The following OPRM1 variants were observed in gnomAD, a reference collection of about 807,000 sequenced individuals.
OPRM1 encodes mu-type opioid receptor.
OPRM1 carries 27 observed loss-of-function variants against 31.8 expected under a neutral mutation model. The ratio of observed to expected loss-of-function variants is 0.85; its 90% CI spans 0.63 to 1.17. OPRM1 has a LOEUF of 1.17. Among genes scored for constraint, OPRM1 ranks in the 50% most tolerant of loss-of-function variants. The pLI, the probability that OPRM1 is intolerant of heterozygous loss-of-function variation, is 0.00. For synonymous variants in OPRM1, 196 were observed against 189.9 expected, an observed-to-expected ratio of 1.03 and a Z score of -0.26; for missense variants, 536 against 511.1, an observed-to-expected ratio of 1.05 and a Z score of -0.47.
chr6:154,153,958 A>G (rs1798614224), intron 3 of OPRM1, among the ~76,000 whole-genome samples: 1 of 152,238 alleles, frequency 6.6e-6, no homozygotes, highest in East Asian at 1.9e-4. Context: ...TTGTTCCCGA[A>G]ATCAGGAAAC....
At chr6:154,024,397 T>C (rs1014326225) in intron 1 of OPRM1, among the ~76,000 whole-genome samples, 1 of 152,042 alleles carries the variant, frequency 6.6e-6, no homozygotes, top group African/African-American at 2.4e-5. Flanking sequence ...TCTCTTTCAT[T>C]ATTGACTTTT....
rs1797651015 is a variant in OPRM1, at chr6:154,127,385, T to C, written c.*8664T>C. Among the ~76,000 whole-genome samples, 1 of 152,206 alleles carries C rather than the reference T, an allele frequency of 6.6e-6. No homozygotes were observed. Among genetic ancestry groups the C allele is most frequent in the Non-Finnish European group, 1.5e-5 (1 of 68,032 alleles). On this transcript the variant is annotated 3_prime_UTR_variant, in exon 4 of 4. Coordinates refer to ENST00000330432, the MANE Select transcript of OPRM1 (RefSeq NM_000914.5). ...CAGAAACACCTATGCCCTACTTGCCTACTCTTCAAGGGTTTAGGGGCTTAG... is the reference window on the plus strand; with the variant it reads ...CAGAAACACCTATGCCCTACTTGCCCACTCTTCAAGGGTTTAGGGGCTTAG...
chr6:154,165,674 A>G (rs563431259), intron 3 of OPRM1, among the ~76,000 whole-genome samples: 1 of 152,336 alleles, frequency 6.6e-6, no homozygotes, highest in South Asian at 2.1e-4. Context: ...GCTTCCTGGT[A>G]TTCAAGGCCT....
chr6:154,097,548 T>A (rs1583522899), intron 3 of OPRM1, among the ~76,000 whole-genome samples: 1 of 152,032 alleles, frequency 6.6e-6, no homozygotes, highest in East Asian at 1.9e-4. Context: ...TCAAAATGGC[T>A]ATTCTTTCAG....
chr6:154,065,515 T>G (rs979729426), intron 1 of OPRM1, among the ~76,000 whole-genome samples: 2 of 152,244 alleles, frequency 1.3e-5, no homozygotes, highest in Admixed American at 6.5e-5. Flanking sequence ...TTTATTACAT[T>G]TGATGCTATC....
At chr6:154,180,335 C>T (rs1562526514) in intron 3 of OPRM1, among the ~76,000 whole-genome samples, 1 of 131,980 alleles carries the variant, frequency 7.6e-6, no homozygotes, top group Non-Finnish European at 1.6e-5. Context: ...TAGTTAGACT[C>T]AAGAAAGGAG....
chr6:154,128,231 T>G lies in OPRM1; in HGVS notation c.*9510T>G, dbSNP rs1178594741. 6.6e-6 allele frequency among the ~76,000 whole-genome samples: 1 copy of G among 152,194 alleles called. No individual in the cohort carries two copies. The highest frequency in any genetic ancestry group is 1.5e-5 in the Non-Finnish European group (1 of 68,044). Reference sequence around the variant, plus strand: ...GGTGTTTACCTGAAGATCTGCCCAGTGATTTGTGTGTTTTCTTAATAAACT... The same window carrying G: ...GGTGTTTACCTGAAGATCTGCCCAGGGATTTGTGTGTTTTCTTAATAAACT... On this transcript the variant is annotated 3_prime_UTR_variant, in exon 4 of 4. Coordinates refer to ENST00000330432, the MANE Select transcript of OPRM1 (RefSeq NM_000914.5).
intron 3 of OPRM1, among the ~76,000 whole-genome samples, chr6:154,176,818 T>C (rs1159444841): frequency 6.6e-6 from 1 of 151,294 alleles, no homozygotes; most frequent in East Asian, 1.9e-4. Flanking sequence ...ACTTTAAATT[T>C]CATATGAAAC....
chr6:154,135,627 C>T (rs1187811254), downstream of OPRM1, among the ~76,000 whole-genome samples: 1 of 152,182 alleles, frequency 6.6e-6, no homozygotes, highest in African/African-American at 2.4e-5. Flanking sequence ...GTGGCAGGCT[C>T]CCTGGCCAAC....
chr6:154,033,653 T>C (rs1294764085), intron 1 of OPRM1, among the ~76,000 whole-genome samples: 1 of 152,154 alleles, frequency 6.6e-6, no homozygotes, highest in Non-Finnish European at 1.5e-5. Flanking sequence ...AGTGATTTGC[T>C]CAAGAAGTGA....
At chr6:154,232,504 G>GC (rs1779802302) in intron 3 of OPRM1, among the ~76,000 whole-genome samples, 1 of 152,080 alleles carries the variant, frequency 6.6e-6, no homozygotes, top group African/African-American at 2.4e-5. Flanking sequence ...TTATACCATG[G>GC]GAACCATCAT....
chr6:154,066,793 C>G (rs889158082), intron 1 of OPRM1, among the ~76,000 whole-genome samples: 1 of 152,106 alleles, frequency 6.6e-6, no homozygotes, highest in Non-Finnish European at 1.5e-5. Context: ...CAGTTAGCAT[C>G]TTGATTTTCA....
chr6:154,058,206 T>A (rs1783702157), intron 1 of OPRM1, among the ~76,000 whole-genome samples: 1 of 151,986 alleles, frequency 6.6e-6, no homozygotes, highest in Non-Finnish European at 1.5e-5. Flanking sequence ...TATGCATCTT[T>A]AAAAAAAATT....
chr6:154,207,681 C>T (rs1221859858), intron 3 of OPRM1, among the ~76,000 whole-genome samples: 2 of 152,156 alleles, frequency 1.3e-5, no homozygotes, highest in Non-Finnish European at 2.9e-5. Context: ...TGACTTCCTC[C>T]TCTGTCGCTG....
At chr6:154,192,318 C>CTGTGTGTTTGTGTGTGTGTG (rs374502866) in intron 3 of OPRM1, among the ~76,000 whole-genome samples, 4 of 148,134 alleles carry the variant, frequency 2.7e-5, no homozygotes, top group African/African-American at 7.5e-5. Flanking sequence ...CACGTGGTTA[C>CTGTGTGTTTGTGTGTGTGTG]TGTGTGTGTG....
At chr6:154,136,928 TTTAAACCTTTTAATGA>T (rs1562503347), downstream of OPRM1, among the ~76,000 whole-genome samples, 1 of 152,190 alleles carries the variant, frequency 6.6e-6, no homozygotes, top group African/African-American at 2.4e-5. Flanking sequence ...CAGCTCACAT[TTTAAACCTTTTAATGA>T]TAACAAAAAT....
rs1797496125 is a variant in OPRM1 at position 154,124,844 on chromosome 6, C to T, written c.*6123C>T. On this transcript the variant is annotated 3_prime_UTR_variant, in exon 4 of 4. Coordinates refer to ENST00000330432, the MANE Select transcript of OPRM1 (RefSeq NM_000914.5). ...CCATTGGAATTATTTGCCAACACAC[C>T]TTGCTGCTACTTAGAGAAAGTAGTT... 6.6e-6 allele frequency among the ~76,000 whole-genome samples: 1 copy of T among 152,170 alleles called. No homozygotes were observed. The highest frequency in any genetic ancestry group is 6.5e-5 in the Admixed American group (1 of 15,282).
At chr6:154,077,151 C>T (rs1788038399) in intron 1 of OPRM1, among the ~76,000 whole-genome samples, 1 of 152,166 alleles carries the variant, frequency 6.6e-6, no homozygotes, top group African/African-American at 2.4e-5. Context: ...ACCCCACCCC[C>T]TTTCAGTTTC....
In OPRM1 at chr6:154,206,370, T is replaced by C. The variant is rs1406121791; in HGVS notation, c.1165-40323T>C. On this transcript the variant is annotated intron_variant, in intron 3 of 3. Transcript: ENST00000337049. ...TATATTTCTCATTCACATGGGGAAA[T>C]ATTTGTGGAACAAGAAATTTGCGGG... 6.5e-4 allele frequency among the ~76,000 whole-genome samples: 99 copies of C among 152,146 alleles called. 2 individuals carry two copies. The highest frequency in any genetic ancestry group is 6.5e-3 in the Admixed American group (99 of 15,274).
Sources: gnomAD v4.1 joint callset for allele counts (sites outside exome capture counted in the v4.1 genomes callset) on GRCh38, gnomAD v4.1.1 for gene constraint, MANE v1.5 for transcripts, NCBI Gene and HGNC (gene_info 2026-07-23, HGNC 2026-07-21) for gene names.